RPL3: variants seen among roughly 807,000 people sequenced by gnomAD.
RPL3 encodes large ribosomal subunit protein uL3.
Under a neutral mutation model 46.0 loss-of-function variants are expected in RPL3, and 3 were observed. The ratio of observed to expected loss-of-function variants is 0.07; its 90% CI spans 0.03 to 0.17. RPL3 has a LOEUF of 0.17. RPL3 is among the 10% of genes least tolerant of loss of function. The pLI is 1.00. For missense variants in RPL3, 387 were observed against 532.7 expected (o/e 0.73, Z 2.69); for synonymous variants, 224 against 190.8 (o/e 1.17, Z -1.43).
chr22:39,314,988 C>T, intron 5 of RPL3, 142 bp from the exon 6 acceptor site: 2 of 1,205,692 alleles, frequency 1.7e-6, no homozygotes, highest in South Asian at 1.4e-5. Context: ...CAGGTCTCCC[C>T]TGTCAAGCTG....
At chr22:39,316,911 G>C (rs146588057) in intron 3 of RPL3, 70 bp from the exon 4 acceptor site, 2 of 1,607,272 alleles carry the variant, frequency 1.2e-6, no homozygotes, top group South Asian at 2.2e-5. Flanking sequence ...AGGGGTGAGC[G>C]GAAGGCACAC....
At position 39,313,327 on chromosome 22, in the gene RPL3, G is replaced by A; in HGVS notation, c.1048-17C>T. On this transcript the variant is annotated splice_polypyrimidine_tract_variant and intron_variant, in intron 8 of 9. Coordinates refer to ENST00000216146, the MANE Select transcript of RPL3 (RefSeq NM_000967.4). ...CAGCAAGGACTATGGGCCAAGAGGG[G>A]AAGGGATTTAGGATTACGAGGAGCC... is the stretch of plus-strand genomic sequence containing the variant. 6.2e-7 allele frequency: 1 copy of A among 1,613,918 alleles called. No individual in the cohort carries two copies. Among genetic ancestry groups the A allele is most frequent in the South Asian group, 1.1e-5 (1 of 91,012 alleles).
At position 39,317,523 on chromosome 22, in the gene RPL3, G is replaced by A. The variant is rs1263250606; in HGVS notation, c.303C>T (p.Thr101=). ...TGTGCTCAGCAAAGACAGTCTTGAA[G>A]GTCCGGAGGCCTCGAGGGGTTTCCA... ...GYVETPRGLR[T]FKTVFAEHIS... The change falls in exon 3 of 10, where the codon ACC becomes ACT. Residue 101 remains threonine (T), a synonymous_variant. Transcript: ENST00000216146. 2 of 1,613,956 alleles carry A rather than the reference G, an allele frequency of 1.2e-6. No individual in the cohort carries two copies. The highest frequency in any genetic ancestry group is 3.3e-5 in the Admixed American group (2 of 60,020).
intron 6 of RPL3, 25 bp from the exon 7 acceptor site, chr22:39,314,233 G>T: frequency 1.2e-6 from 2 of 1,600,260 alleles, no homozygotes; most frequent in Non-Finnish European, 8.6e-7. Context: ...AGGGTGTAAG[G>T]CTGGGGCATT....
chr22:39,316,663 C>G (rs755282673), intron 4 of RPL3, 43 bp downstream of exon 4: 25 of 1,611,022 alleles, frequency 1.6e-5, no homozygotes, highest in Admixed American at 5.0e-5. Flanking sequence ...TAGGTCACTT[C>G]TACTAAGTGG....
chr22:39,317,537 G>C lies in RPL3; in HGVS notation c.289C>G (p.Arg97Gly), dbSNP rs1922782143. 2 of 1,613,966 alleles carry C rather than the reference G, an allele frequency of 1.2e-6. No homozygotes were observed. The highest frequency in any genetic ancestry group is 2.2e-5 in the East Asian group (1 of 44,888). The change falls in exon 3 of 10, where the codon CGA (arginine) becomes GGA (glycine). Residue 97 changes from arginine to glycine, a missense_variant. Physicochemically the swap from Arg to Gly is moderately radical, Grantham distance 125. Transcript: ENST00000216146. ...VGIVGYVETPRGLRTFKTVFA... is the reference protein window; with the variant it reads ...VGIVGYVETPGGLRTFKTVFA... ...ACAGTCTTGAAGGTCCGGAGGCCTC[G>C]AGGGGTTTCCACGTAGCCCACAATG...
At chr22:39,313,926 C>G (rs765025756) in intron 7 of RPL3, 181 bp downstream of exon 7, 18 of 829,092 alleles carry the variant, frequency 2.2e-5, no homozygotes, top group Non-Finnish European at 3.4e-5. Context: ...CCTGAGACCC[C>G]ACTTCTCACC....
chr22:39,317,751 C>A, intron 2 of RPL3, 122 bp from the exon 3 acceptor site: 2 of 1,065,096 alleles, frequency 1.9e-6, no homozygotes, highest in Middle Eastern at 2.1e-4. Flanking sequence ...ACCTGCAGTA[C>A]GGACTCACAG....
rs1922465829 is a variant in RPL3, at chr22:39,313,198, G to A, written c.1160C>T (p.Ala387Val). ...GRFQTMEEKK[A>V]FMGPLKKDRI... ...GCAGGCAGAGGTGCTCACCATGAAT[G>A]CTTTCTTCTCCTCCATGGTCTGGAA... The change falls in exon 9 of 10, where the codon GCA (alanine) becomes GTA (valine). Residue 387 changes from alanine (A) to valine (V), a missense_variant. Transcript: ENST00000216146. 1 of 1,608,126 alleles carries A rather than the reference G, an allele frequency of 6.2e-7. No homozygotes were observed. The highest frequency in any genetic ancestry group is 8.5e-7 in the Non-Finnish European group (1 of 1,177,346).
rs1922808127 is a variant in RPL3, at chr22:39,317,962, C to A, written c.197-333G>T. ...GAGCTCAGAGATTAGTCAGTATCAACTGCCTAACATTAATGTCTCCATGGC... is the reference window on the plus strand; with the variant it reads ...GAGCTCAGAGATTAGTCAGTATCAAATGCCTAACATTAATGTCTCCATGGC... On this transcript the variant is annotated intron_variant, in intron 2 of 9. Transcript: ENST00000216146. 8.1e-6 allele frequency: 3 copies of A among 369,758 alleles called. No homozygotes were observed. In the East Asian group the frequency reaches 1.6e-4, roughly 20 times the overall value. 22.9% of individuals were successfully genotyped at this position (369,758 alleles called of 1,614,324 possible).
At chr22:39,319,522 T>A (rs1463546358) in intron 1 of RPL3, 73 bp downstream of exon 1, 2 of 1,548,300 alleles carry the variant, frequency 1.3e-6, no homozygotes, top group Non-Finnish European at 1.7e-6. Context: ...CAAGACGGGA[T>A]GGCGGCGATG....
At chr22:39,313,138 G>A in intron 9 of RPL3, 53 bp downstream of exon 9, 1 of 1,599,452 alleles carries the variant, frequency 6.3e-7, no homozygotes, top group South Asian at 1.1e-5. Context: ...GCCAAAGGCA[G>A]GCGGCTGCCC....
At chr22:39,319,559 C>G (rs1182806734) in intron 1 of RPL3, 36 bp downstream of exon 1, 1 of 1,561,314 alleles carries the variant, frequency 6.4e-7, no homozygotes, top group Non-Finnish European at 8.7e-7. Flanking sequence ...GTGCCGACGC[C>G]GGTGACAATG....
intron 3 of RPL3, 195 bp from the exon 4 acceptor site, chr22:39,317,036 A>G (rs1382719223): frequency 1.3e-6 from 1 of 776,478 alleles, no homozygotes; most frequent in Non-Finnish European, 2.1e-6. Flanking sequence ...GCAGAGGTCC[A>G]CAAGGTTAAT....
chr22:39,314,716 G>A lies in RPL3; in HGVS notation c.819C>T (p.Gly273=). Residue 273 remains glycine, a synonymous_variant, in exon 6 of 10, where the codon GGC becomes GGT. Transcript: ENST00000216146. ...AFSVARAGQK[G]YHHRTEINKK... The stretch of plus-strand genomic sequence containing the variant: ...TGTTGATCTCAGTGCGGTGATGGTA[G>A]CCTTTCTGCCCAGCGCGTGCCACAG... 1 of 1,613,488 alleles carries A rather than the reference G, an allele frequency of 6.2e-7. No individual in the cohort carries two copies. The highest frequency in any genetic ancestry group is 8.5e-7 in the Non-Finnish European group (1 of 1,179,962).
rs769554769 is a variant in RPL3, at chr22:39,316,779, T to C, written c.428A>G (p.Lys143Arg). 1 of 1,614,016 alleles carries C rather than the reference T, an allele frequency of 6.2e-7. No homozygotes were observed. Among genetic ancestry groups the C allele is most frequent in the South Asian group, 1.1e-5 (1 of 91,064 alleles). ...YCKKWQDEDG[K>R]KQLEKDFSSM... is the part of the protein sequence containing the mutation. ...GCTGAAGTCCTTCTCCAGCTGCTTC[T>C]TGCCATCCTCATCCTGCCATTTCTT... The change falls in exon 4 of 10, where the codon AAG (lysine) becomes AGG (arginine). Residue 143 changes from lysine to arginine, a missense_variant. By Grantham distance (26) the Lys-to-Arg change is conservative. Coordinates refer to ENST00000216146, the MANE Select transcript of RPL3 (RefSeq NM_000967.4).
intron 1 of RPL3, 40 bp downstream of exon 1, chr22:39,319,555 A>C: frequency 3.8e-6 from 6 of 1,560,208 alleles, no homozygotes; most frequent in Non-Finnish European, 5.2e-6. Context: ...AGCCGTGCCG[A>C]CGCCGGTGAC....
Position 39,313,659 on chromosome 22 carries a change from T to C in RPL3, c.1022A>G (p.Lys341Arg). 2 of 1,614,050 alleles carry C rather than the reference T, an allele frequency of 1.2e-6. No individual in the cohort carries two copies. Among genetic ancestry groups the C allele is most frequent in the Non-Finnish European group, 1.7e-6 (2 of 1,180,022 alleles). ...VMLKGCVVGT[K>R]KRVLTLRKSL... Reference sequence around the variant, plus strand: ...CTTGCGGAGGGTGAGCACCCGCTTCTTGGTTCCCACCACACAGCCTTTCAG... The same window carrying C: ...CTTGCGGAGGGTGAGCACCCGCTTCCTGGTTCCCACCACACAGCCTTTCAG... Residue 341 changes from lysine (K) to arginine (R), a missense_variant, in exon 8 of 10, where the codon AAG (lysine) becomes AGG (arginine). Physicochemically the swap from Lys to Arg is conservative, Grantham distance 26. This residue lies in a region of RPL3 where 131 missense variants were observed against 185.1 expected (regional missense o/e 0.71). Coordinates refer to ENST00000216146, the MANE Select transcript of RPL3 (RefSeq NM_000967.4).
intron 2 of RPL3, 89 bp downstream of exon 2, chr22:39,318,309 GTC>G (rs1368117641): frequency 7.4e-7 from 1 of 1,356,220 alleles, no homozygotes; most frequent in African/African-American, 1.5e-5. Flanking sequence ...AAAAAAAAAA[GTC>G]TGCCCTCTGC....
Sources: gnomAD v4.1 joint callset for allele counts on GRCh38, gnomAD v4.1.1 for gene constraint, gnomAD v4.1.1 regional missense constraint, MANE v1.5 for transcripts, NCBI Gene and HGNC (gene_info 2026-07-23, HGNC 2026-07-21) for gene names.